DERL1: variants seen among roughly 807,000 people sequenced by gnomAD.
DERL1 encodes derlin 1, also known as derlin-1.
In DERL1, 24 loss-of-function variants were observed where a neutral mutation model predicts 41.6. The observed-to-expected ratio is 0.58, with a 90% CI of 0.42 to 0.81. The LOEUF is 0.81. DERL1 is among the 30% of genes least tolerant of loss of function. DERL1 has a pLI of 0.00. For missense variants in DERL1, 260 were observed against 314.3 expected (o/e 0.83, Z 1.31); for synonymous variants, 124 against 112.5 (o/e 1.10, Z -0.65).
Position 123,015,519 on chromosome 8 carries a change from C to T in DERL1, c.684G>A (p.Arg228=). ...SGFGVPPASM[R]RAADQNGGGG... ...CTCCGCCATTCTGATCAGCAGCTCG[C>T]CTCATGCTAGCAGGGGGCACACCAA... The change falls in exon 8 of 8, where the codon AGG becomes AGA. Residue 228 remains arginine, a synonymous_variant. Transcript: ENST00000259512. 6.2e-7 allele frequency: 1 copy of T among 1,613,326 alleles called. No homozygotes were observed. Among genetic ancestry groups the T allele is most frequent in the Non-Finnish European group, 8.5e-7 (1 of 1,179,708 alleles).
In DERL1 at chr8:123,021,511, T is replaced by C. The variant is rs1423237540; in HGVS notation, c.454-12A>G. ...GGTAAATAGCAGGCCTAGGATGGAA[T>C]GAATATATGCAAATGTGAGTAGCCA... On this transcript the variant is annotated splice_polypyrimidine_tract_variant and intron_variant, in intron 5 of 7. Transcript: ENST00000259512. The C allele has an allele frequency of 4.3e-6, 7 of 1,612,914 alleles. No homozygotes were observed. The highest frequency in any genetic ancestry group is 5.9e-6 in the Non-Finnish European group (7 of 1,179,076).
chr8:123,027,814 C>T (rs1282486743), intron 2 of DERL1, among the ~76,000 whole-genome samples: 1 of 152,156 alleles, frequency 6.6e-6, no homozygotes, highest in African/African-American at 2.4e-5. Context: ...GTAATCCCAG[C>T]ACTTTGGGAG....
At chr8:123,025,930 C>T (rs189870698) in intron 2 of DERL1, among the ~76,000 whole-genome samples, 5 of 152,012 alleles carry the variant, frequency 3.3e-5, no homozygotes, top group Non-Finnish European at 7.4e-5. Context: ...CAACGGCCTC[C>T]CGTGTAAGCA....
At chr8:123,036,564 C>CTTATTATACA (rs1812934022) in intron 1 of DERL1, among the ~76,000 whole-genome samples, 3 of 152,088 alleles carry the variant, frequency 2.0e-5, no homozygotes, top group Admixed American at 2.0e-4. Context: ...AAGCTATAAA[C>CTTATTATACA]TTATTATACA....
chr8:123,026,669 C>T (rs1430180107), intron 2 of DERL1, among the ~76,000 whole-genome samples: 3 of 152,162 alleles, frequency 2.0e-5, no homozygotes. Context: ...CACCACCACT[C>T]TAGATCACTG....
Position 123,042,299 on chromosome 8 carries a change from T to G in DERL1, c.-177A>C, listed in dbSNP as rs1418634640. On this transcript the variant is annotated 5_prime_UTR_variant, in exon 1 of 8. Coordinates refer to ENST00000259512, the MANE Select transcript of DERL1 (RefSeq NM_024295.6). ...CCGAATTCGGACCAGCGAGGCAGCC[T>G]TCTGAGGCGAAACTTCCCCTTCCGG... The G allele has an allele frequency of 1.2e-6, 1 of 843,390 alleles. No homozygotes were observed. Among genetic ancestry groups the G allele is most frequent in the Non-Finnish European group, 1.7e-6 (1 of 585,640 alleles). 52.2% of individuals were successfully genotyped at this position (843,390 alleles called of 1,614,324 possible).
At chr8:123,018,697 T>C (rs1368990099) in intron 7 of DERL1, 1 of 161,594 alleles carries the variant, frequency 6.2e-6, no homozygotes, top group Non-Finnish European at 1.3e-5. Flanking sequence ...GTTGGGCCTA[T>C]ACAAACCTCA....
intron 1 of DERL1, among the ~76,000 whole-genome samples, chr8:123,034,792 G>C (rs1169320340): frequency 6.6e-6 from 1 of 152,212 alleles, no homozygotes; most frequent in Admixed American, 6.5e-5. Context: ...AGGACTGGGA[G>C]TAAAGACCAG....
intron 1 of DERL1, among the ~76,000 whole-genome samples, chr8:123,037,651 T>C (rs963537790): frequency 6.6e-6 from 1 of 152,236 alleles, no homozygotes; most frequent in African/African-American, 2.4e-5. Context: ...AATGTTTTGC[T>C]ACATACTTAT....
At chr8:123,027,759 T>C (rs1242404418) in intron 2 of DERL1, among the ~76,000 whole-genome samples, 2 of 152,030 alleles carry the variant, frequency 1.3e-5, no homozygotes, top group Admixed American at 6.5e-5. Flanking sequence ...AAGAAGGCAA[T>C]TAAAAATAAA....
chr8:123,015,158 CATTATTCAG>C lies in DERL1; in HGVS notation c.*280_*288del. 1 of 281,110 alleles carries C rather than the reference CATTATTCAG, an allele frequency of 3.6e-6. No homozygotes were observed. Among genetic ancestry groups the C allele is most frequent in the Middle Eastern group, 1.0e-3 (1 of 976 alleles). 17.4% of individuals were successfully genotyped at this position (281,110 alleles called of 1,614,324 possible). On this transcript the variant is annotated 3_prime_UTR_variant, in exon 8 of 8. Transcript: ENST00000259512. Reference sequence around the variant, plus strand: ...CAGCAGACTAGGACCCGCTAAAACCCATTATTCAGACGGAAAGGGGAGAAGAGAAGACAC... The same window carrying C: ...CAGCAGACTAGGACCCGCTAAAACCCACGGAAAGGGGAGAAGAGAAGACAC...
In DERL1 at chr8:123,042,284, A is replaced by G. The variant is rs1302951376; in HGVS notation, c.-162T>C. The G allele has an allele frequency of 3.1e-6, 3 of 981,198 alleles. No individual in the cohort carries two copies. The highest frequency in any genetic ancestry group is 3.1e-5 in the East Asian group (1 of 32,556). 60.8% of individuals were successfully genotyped at this position (981,198 alleles called of 1,614,324 possible). On this transcript the variant is annotated 5_prime_UTR_variant, in exon 1 of 8. Transcript: ENST00000259512. Reference sequence around the variant, plus strand: ...GCGGACGTGGCGCCACCGAATTCGGACCAGCGAGGCAGCCTTCTGAGGCGA... The same window carrying G: ...GCGGACGTGGCGCCACCGAATTCGGGCCAGCGAGGCAGCCTTCTGAGGCGA...
chr8:123,027,828 G>A (rs1766884700), intron 2 of DERL1, among the ~76,000 whole-genome samples: 1 of 152,146 alleles, frequency 6.6e-6, no homozygotes, highest in Non-Finnish European at 1.5e-5. Context: ...TTGGGAGGCT[G>A]AGGCAGGTGG....
intron 1 of DERL1, among the ~76,000 whole-genome samples, chr8:123,038,656 C>T (rs1563636365): frequency 6.6e-6 from 1 of 152,190 alleles, no homozygotes; most frequent in East Asian, 1.9e-4. Flanking sequence ...AGTGTCACTA[C>T]ACAAGTGAGG....
chr8:123,034,334 T>C (rs1046568591), intron 1 of DERL1, among the ~76,000 whole-genome samples: 1 of 152,236 alleles, frequency 6.6e-6, no homozygotes, highest in South Asian at 2.1e-4. Flanking sequence ...GTTTGATTCA[T>C]TCACAACTTT....
chr8:123,041,457 G>A (rs968679398), intron 1 of DERL1, among the ~76,000 whole-genome samples: 3 of 152,176 alleles, frequency 2.0e-5, no homozygotes, highest in Admixed American at 6.5e-5. Context: ...TAGGTCTAGA[G>A]GGAAATGCAG....
intron 2 of DERL1, among the ~76,000 whole-genome samples, chr8:123,029,009 A>G (rs2130480602): frequency 6.6e-6 from 1 of 152,168 alleles, no homozygotes; most frequent in East Asian, 1.9e-4. Flanking sequence ...TCAAGGCTGC[A>G]GGGAGCCATG....
rs778848135 is a variant in DERL1, at chr8:123,022,764, G to C, written c.373C>G (p.Leu125Val). 4 of 1,614,056 alleles carry C rather than the reference G, an allele frequency of 2.5e-6. No individual in the cohort carries two copies. The highest frequency in any genetic ancestry group is 1.1e-5 in the South Asian group (1 of 91,068). ...AMDMQLLMIP[L>V]IMSVLYVWAQ... is the part of the protein sequence containing the mutation. ...CAGACATAAAGTACTGACATGATCA[G>C]AGGAATCATCAGCAACTGCAAAAGA... Residue 125 changes from leucine to valine, a missense_variant, in exon 5 of 8, where the codon CTG (leucine) becomes GTG (valine). Physicochemically the swap from Leu to Val is conservative, Grantham distance 32. Coordinates refer to ENST00000259512, the MANE Select transcript of DERL1 (RefSeq NM_024295.6).
At chr8:123,035,794 T>A (rs909373729) in intron 1 of DERL1, among the ~76,000 whole-genome samples, 9 of 152,132 alleles carry the variant, frequency 5.9e-5, no homozygotes, top group Admixed American at 5.9e-4. Context: ...GTTGCAGCCA[T>A]CCTTTAGCTA....
Sources: gnomAD v4.1 joint callset for allele counts (sites outside exome capture counted in the v4.1 genomes callset) on GRCh38, gnomAD v4.1.1 for gene constraint, MANE v1.5 for transcripts, NCBI Gene and HGNC (gene_info 2026-07-23, HGNC 2026-07-21) for gene names.